SIK3: variants seen among roughly 807,000 people sequenced by gnomAD.
SIK3 encodes the protein SIK family kinase 3, also known as serine/threonine-protein kinase SIK3.
A neutral mutation model predicts 144.2 loss-of-function variants in SIK3; 28 were observed. That is an observed-to-expected ratio of 0.19 (90% CI 0.14 to 0.27). The LOEUF (loss-of-function observed/expected upper bound fraction) is 0.27. Among genes scored for constraint, SIK3 ranks in the 10% least tolerant of loss-of-function variants. The pLI is 1.00. For synonymous variants in SIK3, 686 were observed against 676.3 expected, an observed-to-expected ratio of 1.01 and a Z score of -0.22; for missense variants, 1,319 against 1,776.0, an observed-to-expected ratio of 0.74 and a Z score of 4.62.
rs76706977 is a variant in SIK3, at chr11:117,040,057, A to G, written c.273+58086T>C. On this transcript the variant is annotated intron_variant, in intron 1 of 24. Transcript: ENST00000445177. ...TGTTCTTAGTCACTGAAAACATTAC[A>G]TGGCTAGATAAATGATAAATGTCAG... Among the ~76,000 whole-genome samples, 868 of 152,306 alleles carry G rather than the reference A, an allele frequency of 5.7e-3. 9 individuals are homozygous for G. Among genetic ancestry groups the G allele is most frequent in the African/African-American group, 0.02 (814 of 41,566 alleles).
At position 116,870,311 on chromosome 11, in the gene SIK3, A is replaced by G. The variant is rs1565387451; in HGVS notation, c.1808+20T>C. 1.2e-6 allele frequency: 2 copies of G among 1,614,002 alleles called. No individual in the cohort carries two copies. The highest frequency in any genetic ancestry group is 1.7e-6 in the Non-Finnish European group (2 of 1,180,000). ...AGCCTGCCCAGGGGCTTCTGCAAGC[A>G]CTGCCAGATGTCACATTACCTCTGC... On this transcript the variant is annotated intron_variant, in intron 14 of 24. Coordinates refer to ENST00000445177, the MANE Select transcript of SIK3 (RefSeq NM_001366686.3).
chr11:116,921,417 T>C (rs1565454400), intron 4 of SIK3, among the ~76,000 whole-genome samples: 1 of 152,190 alleles, frequency 6.6e-6, no homozygotes, highest in Non-Finnish European at 1.5e-5. Context: ...GCTTCTTTTT[T>C]CTCTTCTGTG....
intron 3 of SIK3, among the ~76,000 whole-genome samples, chr11:116,929,807 A>C (rs576811142): frequency 1.3e-5 from 2 of 152,366 alleles, no homozygotes; most frequent in Admixed American, 6.5e-5. Context: ...GAAAAGGTCC[A>C]CTGAATACTA....
intron 1 of SIK3, among the ~76,000 whole-genome samples, chr11:117,049,163 A>G (rs1162168806): frequency 1.3e-5 from 2 of 152,190 alleles, no homozygotes; most frequent in African/African-American, 2.4e-5. Context: ...CTAGCATCTA[A>G]AAGATTTTTA....
chr11:116,986,002 G>A (rs1167128171), intron 1 of SIK3, among the ~76,000 whole-genome samples: 2 of 152,082 alleles, frequency 1.3e-5, no homozygotes, highest in African/African-American at 2.4e-5. Flanking sequence ...ACTGGGCTGT[G>A]GTAACTCACT....
chr11:117,061,967 G>A (rs1017669827), intron 1 of SIK3, among the ~76,000 whole-genome samples: 4 of 151,372 alleles, frequency 2.6e-5, no homozygotes, highest in Non-Finnish European at 4.4e-5. Context: ...TAATATGACC[G>A]TTTCAAATAA....
intron 1 of SIK3, among the ~76,000 whole-genome samples, chr11:117,013,967 C>CTTTTT (rs1951406146): frequency 2.7e-4 from 2 of 7,374 alleles, no homozygotes; most frequent in African/African-American, 3.6e-4. Flanking sequence ...TTCTTTTTTT[C>CTTTTT]TTTTCTTTTT....
intron 3 of SIK3, among the ~76,000 whole-genome samples, chr11:116,944,402 CTTGACGTGTGGGCT>C (rs2135302434): frequency 1.3e-5 from 2 of 152,296 alleles, no homozygotes; most frequent in South Asian, 4.1e-4. Flanking sequence ...AACAGCGTGA[CTTGACGTGTGGGCT>C]TTGGGTCACG....
At chr11:116,940,355 G>A (rs1168891860) in intron 3 of SIK3, among the ~76,000 whole-genome samples, 4 of 150,996 alleles carry the variant, frequency 2.6e-5, no homozygotes, top group African/African-American at 7.3e-5. Flanking sequence ...TCAGCCTCCC[G>A]AGTAGGTGGG....
intron 1 of SIK3, among the ~76,000 whole-genome samples, chr11:116,958,006 A>G (rs7130133): frequency 0.049 from 7,415 of 152,240 alleles, 602 homozygotes; most frequent in African/African-American, 0.17. Context: ...AAACTTCCTC[A>G]GTGAAATACT....
chr11:117,074,342 A>G (rs1166912083), intron 1 of SIK3, among the ~76,000 whole-genome samples: 1 of 152,074 alleles, frequency 6.6e-6, no homozygotes, highest in Non-Finnish European at 1.5e-5. Context: ...CCACTTCCCT[A>G]CAGCCCCACA....
rs1304432099 is a variant in SIK3 at position 117,083,250 on chromosome 11, T to C, written c.273+14893A>G. ...AATGAGATCGGAAGAGGCAGTAGGCTAAAATCACTGGCTACCCTTTTGCAT... is the reference window on the plus strand; with the variant it reads ...AATGAGATCGGAAGAGGCAGTAGGCCAAAATCACTGGCTACCCTTTTGCAT... On this transcript the variant is annotated intron_variant, in intron 1 of 24. Transcript: ENST00000445177. Among the ~76,000 whole-genome samples, 5 of 152,010 alleles carry C rather than the reference T, an allele frequency of 3.3e-5. No individual in the cohort carries two copies. In the East Asian group the frequency reaches 7.7e-4, roughly 23 times the overall value.
At chr11:116,990,449 T>G (rs1465829997) in intron 1 of SIK3, among the ~76,000 whole-genome samples, 1 of 152,180 alleles carries the variant, frequency 6.6e-6, no homozygotes, top group Non-Finnish European at 1.5e-5. Context: ...CCTACATACA[T>G]TAACGAGTCA....
intron 21 of SIK3, 134 bp downstream of exon 21, chr11:116,857,676 C>T: frequency 1.4e-6 from 2 of 1,423,850 alleles, no homozygotes; most frequent in South Asian, 1.5e-5. Flanking sequence ...CATGCTTCTC[C>T]CCAAGAAGGT....
rs561842461 is a variant in SIK3 at position 117,087,149 on chromosome 11, G to C, written c.273+10994C>G. 3.3e-5 allele frequency among the ~76,000 whole-genome samples: 5 copies of C among 152,068 alleles called. No individual in the cohort carries two copies. The South Asian group carries it at 1.0e-3, about 32-fold the overall frequency. ...ATGATTTATAAAAAGCAAGTAAAAGGTGAGACTTGGCCGGGTGCGGTGGCT... is the reference window on the plus strand; with the variant it reads ...ATGATTTATAAAAAGCAAGTAAAAGCTGAGACTTGGCCGGGTGCGGTGGCT... On this transcript the variant is annotated intron_variant, in intron 1 of 24. Transcript: ENST00000445177.
intron 1 of SIK3, among the ~76,000 whole-genome samples, chr11:117,018,331 A>G (rs890283330): frequency 6.6e-6 from 1 of 152,186 alleles, no homozygotes; most frequent in South Asian, 2.1e-4. Context: ...AAATCCACAT[A>G]TAAGTGGATT....
chr11:117,074,130 T>C (rs17120293), intron 1 of SIK3, among the ~76,000 whole-genome samples: 9,514 of 152,230 alleles, frequency 0.062, 340 homozygotes, highest in Middle Eastern at 0.11. Flanking sequence ...TACCACTCTT[T>C]GGCTTACCAT....
At chr11:116,919,960 T>C (rs1235322100) in intron 4 of SIK3, among the ~76,000 whole-genome samples, 4 of 152,206 alleles carry the variant, frequency 2.6e-5, no homozygotes, top group Admixed American at 2.0e-4. Context: ...ATTCACAGCC[T>C]TTAACTGGCC....
At chr11:117,062,086 A>T (rs1355033940) in intron 1 of SIK3, among the ~76,000 whole-genome samples, 1 of 151,898 alleles carries the variant, frequency 6.6e-6, no homozygotes, top group Non-Finnish European at 1.5e-5. Flanking sequence ...GCACTTTGGG[A>T]GGCGTAGGTA....
Sources: gnomAD v4.1 joint callset for allele counts (sites outside exome capture counted in the v4.1 genomes callset) on GRCh38, gnomAD v4.1.1 for gene constraint, MANE v1.5 for transcripts, NCBI Gene and HGNC (gene_info 2026-07-23, HGNC 2026-07-21) for gene names.